The following TPRG1 variants were observed in gnomAD, a reference collection of about 807,000 sequenced individuals.
The protein encoded by TPRG1 is tumor protein p63-regulated gene 1 protein.
A neutral mutation model predicts 29.3 loss-of-function variants in TPRG1; 29 were observed. That is an observed-to-expected ratio of 0.99 (90% CI 0.74 to 1.35). TPRG1 has a LOEUF of 1.35. Ranked by LOEUF, TPRG1 falls within the 40% of genes most tolerant of loss-of-function variation. The pLI is 0.00. For missense variants in TPRG1, 327 were observed against 335.0 expected (o/e 0.98, Z 0.19); for synonymous variants, 130 against 116.8 (o/e 1.11, Z -0.73).
At chr3:189,089,827 A>G (rs1172672476) in intron 4 of TPRG1, among the ~76,000 whole-genome samples, 2 of 152,218 alleles carry the variant, frequency 1.3e-5, no homozygotes, top group African/African-American at 4.8e-5. Flanking sequence ...ATAAGTTTCA[A>G]CATGAGTTTT....
chr3:189,011,731 G>A (rs1578188780), intron 3 of TPRG1, among the ~76,000 whole-genome samples: 1 of 152,032 alleles, frequency 6.6e-6, no homozygotes, highest in Admixed American at 6.6e-5. Context: ...GATTTGGGTG[G>A]GACAAAGAGC....
chr3:189,165,306 C>T (rs1451302099), intron 5 of TPRG1, among the ~76,000 whole-genome samples: 7 of 151,844 alleles, frequency 4.6e-5, no homozygotes, highest in Non-Finnish European at 1.0e-4. Flanking sequence ...ACTGCTGTTT[C>T]CTTACAGCAA....
At chr3:189,288,326 G>A (rs1326143079) in intron 4 of TPRG1, among the ~76,000 whole-genome samples, 1 of 152,164 alleles carries the variant, frequency 6.6e-6, no homozygotes, top group Non-Finnish European at 1.5e-5. Context: ...AACGTGTAGT[G>A]AGATTGTTGT....
intron 4 of TPRG1, among the ~76,000 whole-genome samples, chr3:189,026,417 G>A (rs781502162): frequency 6.6e-6 from 1 of 152,134 alleles, no homozygotes; most frequent in African/African-American, 2.4e-5. Flanking sequence ...CACATTGGGG[G>A]TTGGATTTTG....
chr3:189,201,046 T>C (rs1733398385), intron 1 of TPRG1, among the ~76,000 whole-genome samples: 1 of 152,186 alleles, frequency 6.6e-6, no homozygotes, highest in Non-Finnish European at 1.5e-5. Flanking sequence ...CTTTGGAAGG[T>C]ACAATGTTAA....
chr3:189,018,843 T>C (rs1357899754), intron 3 of TPRG1, among the ~76,000 whole-genome samples: 2 of 148,792 alleles, frequency 1.3e-5, no homozygotes, highest in Non-Finnish European at 3.0e-5. Flanking sequence ...TTTCATGATA[T>C]TGATTCTTCC....
chr3:189,279,954 GT>G (rs1390618155), intron 4 of TPRG1, among the ~76,000 whole-genome samples: 1 of 152,194 alleles, frequency 6.6e-6, no homozygotes, highest in African/African-American at 2.4e-5. Context: ...TAGAGGAAAA[GT>G]TAGAATATTT....
At position 189,149,100 on chromosome 3, in the gene TPRG1, C is replaced by G. The variant is rs150513009; in HGVS notation, c.-227+1453C>G. ...GATCTTTTTCTATCTCAGCGCTGTTCTCAAGATTCCATTTATGGTAATCTC... is the reference window on the plus strand; with the variant it reads ...GATCTTTTTCTATCTCAGCGCTGTTGTCAAGATTCCATTTATGGTAATCTC... On this transcript the variant is annotated intron_variant, in intron 4 of 6. Coordinates refer to the TPRG1 transcript ENST00000412373. 3.0e-3 allele frequency among the ~76,000 whole-genome samples: 463 copies of G among 152,276 alleles called. 2 individuals carry two copies. Among genetic ancestry groups the G allele is most frequent in the Middle Eastern group, 0.024 (7 of 294 alleles).
intron 4 of TPRG1, among the ~76,000 whole-genome samples, chr3:189,295,930 A>AC (rs1465769616): frequency 6.6e-6 from 1 of 151,836 alleles, no homozygotes; most frequent in Non-Finnish European, 1.5e-5. Context: ...AAAAAAAAAA[A>AC]AACATTTAGA....
intron 3 of TPRG1, among the ~76,000 whole-genome samples, chr3:189,007,856 A>G (rs1345602863): frequency 7.5e-6 from 1 of 133,700 alleles, no homozygotes; most frequent in African/African-American, 2.9e-5. Context: ...ATGAGATCAC[A>G]TGGACACAGG....
intron 5 of TPRG1, chr3:189,315,597 C>T: frequency 2.4e-6 from 1 of 416,226 alleles, no homozygotes. Flanking sequence ...TACAGACCAA[C>T]CATTTGTACT....
chr3:189,238,261 A>G (rs1012179919), intron 3 of TPRG1, among the ~76,000 whole-genome samples: 1 of 152,220 alleles, frequency 6.6e-6, no homozygotes, highest in Non-Finnish European at 1.5e-5. Context: ...CCAGTCTCCG[A>G]CTTACTTCCA....
chr3:189,115,041 G>A (rs549195691), intron 1 of TPRG1, among the ~76,000 whole-genome samples: 23 of 152,192 alleles, frequency 1.5e-4, no homozygotes, highest in African/African-American at 5.3e-4. Flanking sequence ...TTCACCCCCT[G>A]TTGAAGAGAC....
At chr3:189,189,684 C>T (rs552445185) in intron 1 of TPRG1, among the ~76,000 whole-genome samples, 3 of 152,306 alleles carry the variant, frequency 2.0e-5, no homozygotes, top group Non-Finnish European at 2.9e-5. Context: ...TGCAAAGGAA[C>T]GTTCTTCAAG....
chr3:189,037,282 GA>G (rs969714613), intron 4 of TPRG1, among the ~76,000 whole-genome samples: 8 of 151,270 alleles, frequency 5.3e-5, no homozygotes, highest in African/African-American at 1.7e-4. Flanking sequence ...TTTGAGAAAA[GA>G]AAAAAACATG....
At chr3:189,273,844 C>T (rs951678055) in intron 4 of TPRG1, among the ~76,000 whole-genome samples, 2 of 152,136 alleles carry the variant, frequency 1.3e-5, no homozygotes, top group Non-Finnish European at 2.9e-5. Flanking sequence ...TCTCAACAAT[C>T]ATTAAATGAA....
intron 4 of TPRG1, among the ~76,000 whole-genome samples, chr3:189,274,976 G>GTGTA: frequency 6.9e-6 from 1 of 145,868 alleles, no homozygotes; most frequent in Non-Finnish European, 1.5e-5. Context: ...GTGTGTGTGT[G>GTGTA]TGTATGAAGT....
Position 189,150,873 on chromosome 3 carries a change from G to A in TPRG1, c.-10+1G>A, listed in dbSNP as rs1335667625. ...AGCAGATGTTAATGGATAAAGCCAG[G>A]TGGGATGATGTTATAACATTTCTCC... On this transcript the variant is annotated splice_donor_variant, in intron 5 of 6. Coordinates refer to the TPRG1 transcript ENST00000412373. LOFTEE classifies it low-confidence loss of function (5UTR_SPLICE). 2.6e-5 allele frequency: 4 copies of A among 152,214 alleles called. No individual in the cohort carries two copies. In the South Asian group the frequency reaches 8.3e-4, roughly 32 times the overall value. The allele number at this position is 152,214 out of a possible 1,614,324, so 9.4% of individuals were successfully genotyped here. A position where few individuals can be genotyped will look rare whatever the true frequency, so the allele number is the denominator to read the frequency against.
At chr3:189,305,088 A>G (rs943995712) in intron 4 of TPRG1, among the ~76,000 whole-genome samples, 1 of 152,186 alleles carries the variant, frequency 6.6e-6, no homozygotes, top group African/African-American at 2.4e-5. Flanking sequence ...GAAAGCTGCC[A>G]TCTTTCCTTC....
Sources: allele counts gnomAD v4.1 joint callset (sites outside exome capture counted in the v4.1 genomes callset), GRCh38; gene constraint gnomAD v4.1.1; transcripts MANE v1.5; gene names NCBI Gene and HGNC (gene_info 2026-07-23, HGNC 2026-07-21).